Variants in PRKAG2 observed in about 807,000 individuals in gnomAD.
PRKAG2 encodes the protein 5'-AMP-activated protein kinase subunit gamma-2.
A neutral mutation model predicts 69.6 loss-of-function variants in PRKAG2; 26 were observed. The ratio of observed to expected loss-of-function variants is 0.37; its 90% confidence interval spans 0.27 to 0.52. PRKAG2 has a LOEUF of 0.52. Among genes scored for constraint, PRKAG2 ranks in the 20% least tolerant of loss-of-function variants. PRKAG2 has a pLI of 0.90. For missense variants in PRKAG2, 557 were observed against 740.0 expected (o/e 0.75, Z 2.87); for synonymous variants, 293 against 285.0 (o/e 1.03, Z -0.28).
chr7:151,676,057 T>C (rs556886224), intron 3 of PRKAG2, among the ~76,000 whole-genome samples: 109 of 152,224 alleles, frequency 7.2e-4, no homozygotes, highest in Admixed American at 6.5e-4. Context: ...ACACACACCC[T>C]CCAGAGGCTA....
intron 3 of PRKAG2, among the ~76,000 whole-genome samples, chr7:151,720,727 T>G (rs1416633384): frequency 1.0e-4 from 3 of 29,660 alleles, no homozygotes; most frequent in African/African-American, 4.7e-4. Context: ...ACAGAGAGAA[T>G]GGAGGGGATG....
At position 151,807,273 on chromosome 7, in the gene PRKAG2, A is replaced by C. The variant is rs1469268286; in HGVS notation, c.115-20732T>G. ...AAAAAGTGGCCAGTCAGCCACCAGC[A>C]GACCCATGGGATAGGGGAAGAAAAA... On this transcript the variant is annotated intron_variant, in intron 1 of 15. Transcript: ENST00000287878. The surrounding 1 kb of genome is among the most constrained non-coding windows in gnomAD (Gnocchi z 4.4). 2 of 389,568 alleles carry C rather than the reference A, an allele frequency of 5.1e-6. No individual in the cohort carries two copies. The highest frequency in any genetic ancestry group is 1.9e-5 in the South Asian group (1 of 52,570). The allele number at this position is 389,568 out of a possible 1,614,324, so 24.1% of individuals were successfully genotyped here.
chr7:151,762,854 C>T (rs545305766), intron 3 of PRKAG2, among the ~76,000 whole-genome samples: 6 of 152,270 alleles, frequency 3.9e-5, no homozygotes, highest in African/African-American at 9.6e-5. Flanking sequence ...GCCCACAGCG[C>T]GGCTCCCTGA....
chr7:151,695,048 T>C (rs576608673), intron 3 of PRKAG2, among the ~76,000 whole-genome samples: 145 of 152,320 alleles, frequency 9.5e-4, no homozygotes, highest in African/African-American at 3.2e-3. Context: ...CCTGCCTTCC[T>C]GCAGCCAAGT....
chr7:151,717,334 CGA>C (rs1486615903), intron 3 of PRKAG2, among the ~76,000 whole-genome samples: 1 of 151,538 alleles, frequency 6.6e-6, no homozygotes, highest in Non-Finnish European at 1.5e-5. Context: ...CAGTCATTGA[CGA>C]GAGTTACCCA....
chr7:151,605,942 A>G (rs1817464016), intron 5 of PRKAG2, among the ~76,000 whole-genome samples: 1 of 151,512 alleles, frequency 6.6e-6, no homozygotes, highest in African/African-American at 2.4e-5. Flanking sequence ...GTCTCAAAAA[A>G]AAAAAAAAAA....
intron 3 of PRKAG2, among the ~76,000 whole-genome samples, chr7:151,689,180 A>G (rs553367272): frequency 6.6e-6 from 1 of 152,300 alleles, no homozygotes; most frequent in South Asian, 2.1e-4. Context: ...CAGCTCTTTG[A>G]GTCTGCTCTG....
chr7:151,787,163 C>T (rs1446003267), intron 1 of PRKAG2, among the ~76,000 whole-genome samples: 1 of 152,232 alleles, frequency 6.6e-6, no homozygotes. Flanking sequence ...TCGGGCACAG[C>T]TGCATCCCTA....
At chr7:151,703,742 T>C (rs996618154) in intron 3 of PRKAG2, among the ~76,000 whole-genome samples, 3 of 151,984 alleles carry the variant, frequency 2.0e-5, no homozygotes, top group African/African-American at 7.3e-5. Context: ...CGGTGGCTTA[T>C]GCCTGTAATC....
At position 151,724,583 on chromosome 7, in the gene PRKAG2, C is replaced by T. The variant is rs112250603; in HGVS notation, c.467-48946G>A. Reference sequence around the variant, plus strand: ...TGCTGGCTCACTTGTCTCCAGGTCCCGTCGTCGCCCTCCCAGGCGCTCCCT... The same window carrying T: ...TGCTGGCTCACTTGTCTCCAGGTCCTGTCGTCGCCCTCCCAGGCGCTCCCT... On this transcript the variant is annotated intron_variant, in intron 3 of 15. Transcript: ENST00000287878. Among the ~76,000 whole-genome samples, 121 of 152,282 alleles carry T rather than the reference C, an allele frequency of 7.9e-4. 1 individual carries two copies. Among genetic ancestry groups the T allele is most frequent in the African/African-American group, 2.6e-3 (109 of 41,576 alleles).
At chr7:151,717,603 C>CA (rs2151628627) in intron 3 of PRKAG2, among the ~76,000 whole-genome samples, 1 of 152,332 alleles carries the variant, frequency 6.6e-6, no homozygotes, top group East Asian at 1.9e-4. Context: ...AGTGACCACT[C>CA]AGCAGCTCTG....
chr7:151,623,214 ATTGG>A (rs1178795577), intron 5 of PRKAG2, among the ~76,000 whole-genome samples: 1 of 151,824 alleles, frequency 6.6e-6, no homozygotes, highest in Non-Finnish European at 1.5e-5. Flanking sequence ...AAATACAAAA[ATTGG>A]TTGGGCATGG....
At chr7:151,831,154 C>T (rs373487914) in intron 1 of PRKAG2, among the ~76,000 whole-genome samples, 1 of 152,186 alleles carries the variant, frequency 6.6e-6, no homozygotes, top group African/African-American at 2.4e-5. Context: ...TAAAAGGGTG[C>T]TGCCAGCTTG....
intron 11 of PRKAG2, among the ~76,000 whole-genome samples, chr7:151,566,954 T>C (rs367810073): frequency 1.3e-5 from 2 of 152,226 alleles, no homozygotes; most frequent in Admixed American, 6.5e-5. Flanking sequence ...AATTACCATA[T>C]TGGCCCAAAT....
intron 1 of PRKAG2, among the ~76,000 whole-genome samples, chr7:151,822,100 A>T (rs2078799208): frequency 1.3e-5 from 2 of 152,198 alleles, no homozygotes; most frequent in African/African-American, 4.8e-5. Context: ...CTGGGGACAG[A>T]TACAGAGACT....
At chr7:151,657,549 G>C (rs990043384) in intron 4 of PRKAG2, among the ~76,000 whole-genome samples, 1 of 152,164 alleles carries the variant, frequency 6.6e-6, no homozygotes, top group Non-Finnish European at 1.5e-5. Flanking sequence ...TCATTTACTA[G>C]TCATACAATC....
Position 151,828,172 on chromosome 7 carries a change from C to T in PRKAG2, c.115-41631G>A, listed in dbSNP as rs2078950391. On this transcript the variant is annotated intron_variant, in intron 1 of 15. Coordinates refer to ENST00000287878, the MANE Select transcript of PRKAG2 (RefSeq NM_016203.4). The surrounding 1 kb of genome is among the most constrained non-coding windows in gnomAD (Gnocchi z 4.6). The stretch of plus-strand genomic sequence containing the variant: ...GGCTGGCCCTGGAATGAGTGCAACT[C>T]TTTGTCCAGGGGTCTCCACGCTTTT... Among the ~76,000 whole-genome samples the T allele has an allele frequency of 6.6e-6, 1 of 152,258 alleles. No individual in the cohort carries two copies. The highest frequency in any genetic ancestry group is 1.5e-5 in the Non-Finnish European group (1 of 68,046).
At chr7:151,865,930 G>A (rs1484807029) in intron 1 of PRKAG2, among the ~76,000 whole-genome samples, 3 of 150,712 alleles carry the variant, frequency 2.0e-5, no homozygotes, top group African/African-American at 7.3e-5. Flanking sequence ...TGAGGCAGGA[G>A]AATGGTGTGA....
intron 4 of PRKAG2, among the ~76,000 whole-genome samples, chr7:151,646,352 C>T (rs753192689): frequency 7.9e-5 from 12 of 152,156 alleles, no homozygotes; most frequent in Non-Finnish European, 1.8e-4. Flanking sequence ...TTTGATTTCT[C>T]TCAGCAATCT....
Sources: allele counts gnomAD v4.1 joint callset (sites outside exome capture counted in the v4.1 genomes callset), GRCh38; gene constraint gnomAD v4.1.1; non-coding constraint Gnocchi (gnomAD v3.1); transcripts MANE v1.5; gene names NCBI Gene and HGNC (gene_info 2026-07-23, HGNC 2026-07-21).